The following SLC5A4 variants were observed in gnomAD, a reference collection of about 807,000 sequenced individuals.
SLC5A4 encodes solute carrier family 5 member 4, also known as probable glucose sensor protein SLC5A4.
SLC5A4 carries 55 observed loss-of-function variants against 70.3 expected under a neutral mutation model. The observed-to-expected ratio is 0.78, with a 90% CI of 0.63 to 0.98. SLC5A4 has a LOEUF of 0.98. SLC5A4 is among the 50% of genes least tolerant of loss of function. The probability of loss-of-function intolerance (pLI) is 0.00; values close to 1 mark genes in which losing one functional copy is unlikely to be tolerated. For missense variants in SLC5A4, 735 were observed against 839.2 expected, an observed-to-expected ratio of 0.88 and a Z score of 1.53; for synonymous variants, 268 against 305.7, an observed-to-expected ratio of 0.88 and a Z score of 1.29.
chr22:32,347,114 T>C, the SLC5A4 span, among the ~76,000 whole-genome samples: 2 of 152,338 alleles, frequency 1.3e-5, no homozygotes, highest in East Asian at 3.9e-4. Context: ...ATGCTCATCA[T>C]CACTGGCCAT....
At chr22:32,320,057 C>T in the SLC5A4 span, among the ~76,000 whole-genome samples, 4 of 152,190 alleles carry the variant, frequency 2.6e-5, no homozygotes, top group African/African-American at 9.7e-5. Context: ...AGAATCTAAA[C>T]AGACCAGTTG....
chr22:32,268,431 AG>A, the SLC5A4 span: 1 of 152,186 alleles, frequency 6.6e-6, no homozygotes, highest in Non-Finnish European at 1.5e-5. Flanking sequence ...CCCATGAGGA[AG>A]GTGTAATGTG....
chr22:32,259,647 G>A (rs937808800), upstream of SLC5A4, among the ~76,000 whole-genome samples: 5 of 152,142 alleles, frequency 3.3e-5, no homozygotes, highest in African/African-American at 1.2e-4. Context: ...ACACTGCTGT[G>A]TATTTTTTGT....
At chr22:32,306,982 T>C in the SLC5A4 span, among the ~76,000 whole-genome samples, 1 of 152,240 alleles carries the variant, frequency 6.6e-6, no homozygotes, top group African/African-American at 2.4e-5. Flanking sequence ...TTTTTGATTC[T>C]GTGCTCAGGG....
the SLC5A4 span, among the ~76,000 whole-genome samples, chr22:32,320,735 A>AG: frequency 3.7e-5 from 4 of 107,682 alleles, no homozygotes; most frequent in African/African-American, 1.4e-4. Context: ...ACTGCTTTAA[A>AG]AAAAATCTAT....
chr22:32,274,719 C>T, the SLC5A4 span, among the ~76,000 whole-genome samples: 5 of 152,068 alleles, frequency 3.3e-5, no homozygotes, highest in Admixed American at 1.3e-4. Flanking sequence ...ACATGTGCTG[C>T]GATTAAGTTT....
chr22:32,271,798 C>T, the SLC5A4 span: 3 of 602,492 alleles, frequency 5.0e-6, no homozygotes, highest in Admixed American at 6.2e-5. Context: ...GGATCAGCGT[C>T]CTTCCTGCCT....
chr22:32,319,892 C>T, the SLC5A4 span, among the ~76,000 whole-genome samples: 8 of 152,210 alleles, frequency 5.3e-5, no homozygotes, highest in Admixed American at 5.2e-4. Flanking sequence ...GGGCCAATAA[C>T]GATGCCCAGC....
chr22:32,293,433 G>A, the SLC5A4 span, among the ~76,000 whole-genome samples: 2 of 151,658 alleles, frequency 1.3e-5, no homozygotes, highest in Non-Finnish European at 2.9e-5. Flanking sequence ...TATTACCTTG[G>A]AAGTTACATT....
the SLC5A4 span, among the ~76,000 whole-genome samples, chr22:32,346,960 C>A: frequency 6.6e-6 from 1 of 151,938 alleles, no homozygotes; most frequent in Non-Finnish European, 1.5e-5. Flanking sequence ...ACTCATCTGA[C>A]AAAGGGCTAA....
At chr22:32,262,684 A>G in the SLC5A4 span, among the ~76,000 whole-genome samples, 1 of 152,184 alleles carries the variant, frequency 6.6e-6, no homozygotes, top group Non-Finnish European at 1.5e-5. Context: ...GGATACATGT[A>G]CAGAACATCC....
chr22:32,313,631 G>C, the SLC5A4 span, among the ~76,000 whole-genome samples: 11 of 152,270 alleles, frequency 7.2e-5, no homozygotes, highest in Middle Eastern at 3.4e-3. Flanking sequence ...ACAAGACAAT[G>C]AGGAAAAGAA....
the SLC5A4 span, among the ~76,000 whole-genome samples, chr22:32,335,922 A>G: frequency 1.3e-5 from 2 of 152,168 alleles, no homozygotes; most frequent in African/African-American, 2.4e-5. Flanking sequence ...GGTTTCCATC[A>G]TTGTCACGGG....
the SLC5A4 span, among the ~76,000 whole-genome samples, chr22:32,328,613 G>A: frequency 2.0e-5 from 3 of 149,124 alleles, no homozygotes; most frequent in Admixed American, 2.0e-4. Context: ...GCAGTGCCTT[G>A]AGAATGACCA....
chr22:32,270,100 C>T, the SLC5A4 span: 86,556 of 512,710 alleles, frequency 0.17, 8,637 homozygotes, highest in East Asian at 0.33. Flanking sequence ...GCCAGCTGGT[C>T]AGCCAGGGAC....
chr22:32,290,749 A>G, the SLC5A4 span, among the ~76,000 whole-genome samples: 96,760 of 151,870 alleles, frequency 0.64, 30,915 homozygotes, highest in East Asian at 0.7. Flanking sequence ...GTGTCCTCTG[A>G]GGATGAATGC....
the SLC5A4 span, among the ~76,000 whole-genome samples, chr22:32,321,044 T>C: frequency 6.6e-6 from 1 of 152,196 alleles, no homozygotes; most frequent in Non-Finnish European, 1.5e-5. Context: ...TCCCAGCATT[T>C]TGGGAGGCCG....
chr22:32,302,613 G>T, the SLC5A4 span, among the ~76,000 whole-genome samples: 1 of 152,100 alleles, frequency 6.6e-6, no homozygotes, highest in African/African-American at 2.4e-5. Flanking sequence ...TTGCCCCTTA[G>T]CCAAAAACCA....
chr22:32,298,538 C>T, the SLC5A4 span, among the ~76,000 whole-genome samples: 38 of 95,542 alleles, frequency 4.0e-4, 8 homozygotes, highest in African/African-American at 1.3e-3. Context: ...TATTTTGAGC[C>T]TATGTGTGTC....
Sources: gnomAD v4.1 joint callset for allele counts (sites outside exome capture counted in the v4.1 genomes callset) on GRCh38, gnomAD v4.1.1 for gene constraint, MANE v1.5 for transcripts, NCBI Gene and HGNC (gene_info 2026-07-23, HGNC 2026-07-21) for gene names.